PYGB: variants seen among roughly 807,000 people sequenced by gnomAD.
The protein encoded by PYGB is glycogen phosphorylase B.
Under a neutral mutation model 94.3 loss-of-function variants are expected in PYGB, and 82 were observed. The ratio of observed to expected loss-of-function variants is 0.87; its 90% CI spans 0.73 to 1.04. The LOEUF is 1.04. Among genes scored for constraint, PYGB ranks in the 50% least tolerant of loss-of-function variants. PYGB has a pLI of 0.00. For missense variants in PYGB, 1,132 were observed against 1,158.2 expected, an observed-to-expected ratio of 0.98 and a Z score of 0.33; for synonymous variants, 488 against 479.1, an observed-to-expected ratio of 1.02 and a Z score of -0.24.
At chr20:25,284,303 C>T (rs2088398229) in intron 14 of PYGB, 52 bp downstream of exon 14, 1 of 1,584,936 alleles carries the variant, frequency 6.3e-7, no homozygotes. Flanking sequence ...AAGGCTTGCC[C>T]TTGCCCGCCA....
intron 15 of PYGB, chr20:25,289,949 G>C (rs1160953696): frequency 1.9e-6 from 1 of 533,418 alleles, no homozygotes; most frequent in Non-Finnish European, 3.8e-6. Context: ...TGGGTCCCCT[G>C]CCCAGTTGTC....
chr20:25,249,850 A>AT (rs5841051), intron 1 of PYGB, among the ~76,000 whole-genome samples: 71,101 of 144,258 alleles, frequency 0.49, 17,855 homozygotes, highest in East Asian at 0.89. Flanking sequence ...GCACAGCACC[A>AT]TTTTTTTTTT....
chr20:25,248,226 G>A lies in PYGB; in HGVS notation c.48G>A (p.Val16=). 1 of 1,596,558 alleles carries A rather than the reference G, an allele frequency of 6.3e-7. No homozygotes were observed. The highest frequency in any genetic ancestry group is 1.1e-5 in the South Asian group (1 of 88,854). The change falls in exon 1 of 20, where the codon GTG becomes GTA. Residue 16 remains valine (V), a synonymous_variant. Coordinates refer to ENST00000216962, the MANE Select transcript of PYGB (RefSeq NM_002862.4). The part of the protein sequence containing the change: ...TDSEKRKQIS[V]RGLAGLGDVA... ...GCGAGAAGCGGAAGCAGATCAGCGT[G>A]CGCGGCCTGGCGGGGCTAGGCGACG...
At chr20:25,288,325 C>T in intron 14 of PYGB, 100 bp from the exon 15 acceptor site, 1 of 1,319,454 alleles carries the variant, frequency 7.6e-7, no homozygotes, top group Non-Finnish European at 1.1e-6. Context: ...GCGGAGCGTG[C>T]CTGTCCTGCC....
intron 5 of PYGB, among the ~76,000 whole-genome samples, chr20:25,275,576 G>C (rs562754724): frequency 5.9e-4 from 90 of 152,392 alleles, no homozygotes; most frequent in Admixed American, 1.1e-3. Context: ...GGCTTCGAGT[G>C]GCTGGGGCCA....
chr20:25,259,553 G>A (rs2281558), intron 2 of PYGB, among the ~76,000 whole-genome samples: 1 of 152,042 alleles, frequency 6.6e-6, no homozygotes, highest in East Asian at 1.9e-4. Context: ...GACCGCAAGC[G>A]TGGGGTTGAA....
chr20:25,253,457 G>A (rs2092894029), intron 1 of PYGB, among the ~76,000 whole-genome samples: 1 of 152,062 alleles, frequency 6.6e-6, no homozygotes, highest in Admixed American at 6.5e-5. Flanking sequence ...TTCGAGACCA[G>A]CCTGACCAAT....
In PYGB at chr20:25,281,131, C is replaced by G. The variant is rs201724898; in HGVS notation, c.1403+19C>G. Reference sequence around the variant, plus strand: ...AGTCGGTGTGAGTGGGGCGCTTGCCCGAGCGGGGCCAGCTCTGTCTGACAC... The same window carrying G: ...AGTCGGTGTGAGTGGGGCGCTTGCCGGAGCGGGGCCAGCTCTGTCTGACAC... On this transcript the variant is annotated intron_variant, in intron 11 of 19. Transcript: ENST00000216962. 65 of 1,613,038 alleles carry G rather than the reference C, an allele frequency of 4.0e-5. No homozygotes were observed. The East Asian group carries it at 1.4e-3, about 34-fold the overall frequency.
At chr20:25,295,413 G>A (rs1443402456) in intron 18 of PYGB, among the ~76,000 whole-genome samples, 191 bp from the exon 19 acceptor site, 1 of 152,270 alleles carries the variant, frequency 6.6e-6, no homozygotes, top group Non-Finnish European at 1.5e-5. Context: ...CATAAGTGTT[G>A]CTCACAGAGA....
At chr20:25,270,319 A>G (rs1193883869) in intron 3 of PYGB, among the ~76,000 whole-genome samples, 8 of 149,036 alleles carry the variant, frequency 5.4e-5, no homozygotes, top group African/African-American at 7.5e-5. Context: ...CTCCTGCCTC[A>G]GCCTCCCCAA....
chr20:25,281,693 C>A (rs1319294013), intron 11 of PYGB, among the ~76,000 whole-genome samples: 1 of 152,174 alleles, frequency 6.6e-6, no homozygotes, highest in Non-Finnish European at 1.5e-5. Flanking sequence ...GGAAACCGAG[C>A]GCAGCTTCTC....
intron 1 of PYGB, among the ~76,000 whole-genome samples, chr20:25,256,947 C>T (rs992458867): frequency 3.3e-5 from 5 of 152,144 alleles, no homozygotes; most frequent in Admixed American, 3.3e-4. Flanking sequence ...TGAGGGGAAC[C>T]AGCCTTGCCT....
intron 14 of PYGB, 103 bp from the exon 15 acceptor site, chr20:25,288,322 G>A (rs768958210): frequency 3.1e-5 from 40 of 1,280,546 alleles, no homozygotes; most frequent in East Asian, 1.4e-4. Flanking sequence ...ATGGCGGAGC[G>A]TGCCTGTCCT....
chr20:25,248,531 C>T lies in PYGB; in HGVS notation c.243+110C>T, dbSNP rs368827115. ...CGGCCCGTCGGGCGTTACCTGCGCC[C>T]CTAGCCGGCCGGCGGCCAGGCACAG... On this transcript the variant is annotated intron_variant, in intron 1 of 19. Transcript: ENST00000216962. 1,011 of 1,216,730 alleles carry T rather than the reference C, an allele frequency of 8.3e-4. 8 individuals carry two copies. In the East Asian group the frequency reaches 0.021, roughly 25 times the overall value. The allele number at this position is 1,216,730 out of a possible 1,614,324, so 75.4% of individuals were successfully genotyped here.
intron 10 of PYGB, 91 bp from the exon 11 acceptor site, chr20:25,280,858 G>T: frequency 1.4e-6 from 2 of 1,473,446 alleles, no homozygotes; most frequent in South Asian, 1.3e-5. Flanking sequence ...CTTCCCATGG[G>T]TGGTCATGGA....
At chr20:25,257,137 GT>G (rs893753900) in intron 1 of PYGB, among the ~76,000 whole-genome samples, 43 of 152,316 alleles carry the variant, frequency 2.8e-4, no homozygotes, top group Admixed American at 1.2e-3. Context: ...CAGTTTCATG[GT>G]TTTCACTCTG....
intron 17 of PYGB, 193 bp from the exon 18 acceptor site, chr20:25,293,963 ATC>A: frequency 1.6e-6 from 1 of 637,998 alleles, no homozygotes; most frequent in East Asian, 2.8e-5. Context: ...CTGACTTCAC[ATC>A]TCTGCTCGAG....
chr20:25,276,535 T>TG, intron 5 of PYGB, 111 bp from the exon 6 acceptor site: 1 of 807,680 alleles, frequency 1.2e-6, no homozygotes, highest in Non-Finnish European at 2.0e-6. Context: ...GGGGAGACGG[T>TG]GGGGGGCCAG....
rs201489693 is a variant in PYGB at position 25,296,372 on chromosome 20, C to A, written c.2382C>A (p.Asn794Lys). Residue 794 changes from asparagine (N) to lysine (K), a missense_variant and splice_region_variant, in exon 20 of 20, where the codon AAC (asparagine) becomes AAA (lysine). Physicochemically the swap from Asn to Lys is moderately conservative, Grantham distance 94 (BLOSUM62 0). Coordinates refer to ENST00000216962, the MANE Select transcript of PYGB (RefSeq NM_002862.4). Reference protein sequence around the residue: ...CQAQVDQLYRNPKEWTKKVIR... With the variant: ...CQAQVDQLYRKPKEWTKKVIR... ...TAATTTCATCTCCTTCCCTGCAGAA[C>A]CCCAAGGAGTGGACCAAGAAGGTCA... 1 of 1,614,050 alleles carries A rather than the reference C, an allele frequency of 6.2e-7. No individual in the cohort carries two copies. The highest frequency in any genetic ancestry group is 8.5e-7 in the Non-Finnish European group (1 of 1,180,012).
Sources: gnomAD v4.1 joint callset for allele counts (sites outside exome capture counted in the v4.1 genomes callset) on GRCh38, gnomAD v4.1.1 for gene constraint, MANE v1.5 for transcripts, NCBI Gene and HGNC (gene_info 2026-07-23, HGNC 2026-07-21) for gene names.